Variants in FBLN2 observed in about 807,000 individuals in gnomAD.
The protein encoded by FBLN2 is fibulin-2.
A neutral mutation model predicts 123.7 loss-of-function variants in FBLN2; 81 were observed. The observed-to-expected ratio is 0.65, with a 90% CI of 0.55 to 0.79. The LOEUF is 0.79. FBLN2 is among the 30% of genes least tolerant of loss of function. The probability of loss-of-function intolerance (pLI) is 0.00; values close to 1 mark genes in which losing one functional copy is unlikely to be tolerated. For synonymous variants in FBLN2, 699 were observed against 701.4 expected (o/e 1.00, Z 0.05); for missense variants, 1,603 against 1,681.3 (o/e 0.95, Z 0.81).
Position 13,621,915 on chromosome 3 carries a change from G to A in FBLN2, c.2296G>A (p.Asp766Asn). The change falls in exon 9 of 18, where the codon GAC becomes AAC. Residue 766 changes from aspartate to asparagine, a missense_variant and splice_region_variant. By Grantham distance (23) the Asp-to-Asn change is conservative. Coordinates refer to ENST00000404922, the MANE Select transcript of FBLN2 (RefSeq NM_001004019.2). ...YILNAHRKCV[D>N]INECVTDLHT... Reference sequence around the variant, plus strand: ...CCTCAATGCGCACAGGAAGTGCGTGGGTAAGCCAGGGCCCCGCCTGCCGCC... The same window carrying A: ...CCTCAATGCGCACAGGAAGTGCGTGAGTAAGCCAGGGCCCCGCCTGCCGCC... 4 of 1,611,368 alleles carry A rather than the reference G, an allele frequency of 2.5e-6. No individual in the cohort carries two copies. The highest frequency in any genetic ancestry group is 2.5e-6 in the Non-Finnish European group (3 of 1,178,974).
chr3:13,611,818 C>A (rs1452459543), intron 4 of FBLN2, among the ~76,000 whole-genome samples: 1 of 152,228 alleles, frequency 6.6e-6, no homozygotes, highest in Non-Finnish European at 1.5e-5. Flanking sequence ...AGCTTCATCT[C>A]CTGGCTACAT....
At chr3:13,559,854 C>A (rs1190471949) in intron 1 of FBLN2, among the ~76,000 whole-genome samples, 7 of 152,150 alleles carry the variant, frequency 4.6e-5, no homozygotes, top group African/African-American at 1.7e-4. Context: ...CAGGAGCAGA[C>A]CATGTGGAGC....
chr3:13,576,965 C>T lies in FBLN2; in HGVS notation c.1306+5304C>T, dbSNP rs566253285. Among the ~76,000 whole-genome samples, 11 of 152,274 alleles carry T rather than the reference C, an allele frequency of 7.2e-5. No homozygotes were observed. In the East Asian group the frequency reaches 1.9e-3, roughly 27 times the overall value. ...AGGTGAGGTGGCTCACACCTGTAAT[C>T]CCAGCACTTTGGGAGGCCGAGGTGG... On this transcript the variant is annotated intron_variant, in intron 2 of 17. Transcript: ENST00000404922.
At chr3:13,555,705 T>G (rs950508989) in intron 1 of FBLN2, among the ~76,000 whole-genome samples, 1 of 152,120 alleles carries the variant, frequency 6.6e-6, no homozygotes, top group Admixed American at 6.5e-5. Flanking sequence ...CCACCCGCCT[T>G]GGCCTCTCAA....
At position 13,569,331 on chromosome 3, in the gene FBLN2, CTG is replaced by C. The variant is rs146202985; in HGVS notation, c.-41-983_-41-982del. On this transcript the variant is annotated intron_variant, in intron 1 of 17. Transcript: ENST00000404922. ...ACCTTTCCTTTCTGGCCATGGGAAA[CTG>C]GGGCGGGCTGTGGGGCCGTGGCATG... Among the ~76,000 whole-genome samples, 1,471 of 152,204 alleles carry C rather than the reference CTG, an allele frequency of 9.7e-3. 25 individuals are homozygous for C. Among genetic ancestry groups the C allele is most frequent in the African/African-American group, 0.033 (1,381 of 41,518 alleles).
chr3:13,571,037 C>T lies in FBLN2; in HGVS notation c.682C>T (p.Pro228Ser), dbSNP rs767247427. Residue 228 changes from proline (P) to serine (S), a missense_variant, in exon 2 of 18, where the codon CCC becomes TCC. Coordinates refer to ENST00000404922, the MANE Select transcript of FBLN2 (RefSeq NM_001004019.2). ...AGAVQAGAGG[P>S]PAALGGGSQP... ...TGCAGTCCAGGCAGGCGCAGGGGGC[C>T]CCCCAGCTGCTCTGGGAGGTGGGAG... 5 of 1,570,114 alleles carry T rather than the reference C, an allele frequency of 3.2e-6. No individual in the cohort carries two copies. Among genetic ancestry groups the T allele is most frequent in the Admixed American group, 1.9e-5 (1 of 52,764 alleles).
Position 13,571,436 on chromosome 3 carries a change from A to G in FBLN2, c.1081A>G (p.Ser361Gly), listed in dbSNP as rs3732666. ...GCCGGAGGGCGTGACGCATGCACCG[A>G]GCCTGGGCAAGGCTGCTCTCGTCCC... ...TGPEGVTHAPSLGKAALVPTQ... is the reference protein window; with the variant it reads ...TGPEGVTHAPGLGKAALVPTQ... The change falls in exon 2 of 18, where the codon AGC becomes GGC. Residue 361 changes from serine to glycine, a missense_variant. Transcript: ENST00000404922. 396,004 of 1,611,990 alleles carry G rather than the reference A, an allele frequency of 0.25. 61,824 individuals carry two copies. Among genetic ancestry groups the G allele is most frequent in the African/African-American group, 0.69 (51,932 of 74,958 alleles).
intron 13 of FBLN2, 104 bp from the exon 14 acceptor site, chr3:13,629,716 C>G: frequency 1.4e-6 from 2 of 1,429,006 alleles, no homozygotes; most frequent in Non-Finnish European, 1.9e-6. Flanking sequence ...CCTTCTGGGT[C>G]CCTCTCCCAC....
At chr3:13,581,717 C>T (rs1704338661) in intron 2 of FBLN2, among the ~76,000 whole-genome samples, 1 of 152,104 alleles carries the variant, frequency 6.6e-6, no homozygotes, top group Non-Finnish European at 1.5e-5. Context: ...TGCCCCCGTG[C>T]CTGACCACCA....
chr3:13,570,609 C>T lies in FBLN2; in HGVS notation c.254C>T (p.Ala85Val). ...GGCTTCGTGCGCGGCCGCGTGCCCG[C>T]CGGTCAGTCCTATTTTGTGGACTTC... ...QGGFVRGRVP[A>V]GQSYFVDFGS... is the part of the protein sequence containing the mutation. The change falls in exon 2 of 18, where the codon GCC becomes GTC. Residue 85 changes from alanine to valine, a missense_variant. Ala to Val is a moderately conservative substitution (Grantham distance 64). Transcript: ENST00000404922. The T allele has an allele frequency of 6.3e-7, 1 of 1,578,338 alleles. No individual in the cohort carries two copies. Among genetic ancestry groups the T allele is most frequent in the Non-Finnish European group, 8.6e-7 (1 of 1,163,254 alleles).
intron 10 of FBLN2, 36 bp from the exon 11 acceptor site, chr3:13,627,796 C>G (rs1157812892): frequency 6.3e-7 from 1 of 1,590,064 alleles, no homozygotes; most frequent in Non-Finnish European, 8.6e-7. Context: ...GCAGGACCTG[C>G]CCCCCAGCCC....
chr3:13,633,019 G>A (rs60796888), intron 16 of FBLN2, among the ~76,000 whole-genome samples: 31,658 of 152,208 alleles, frequency 0.21, 3,500 homozygotes, highest in African/African-American at 0.25. Context: ...AGCCCCATCA[G>A]ACACTGCAGT....
chr3:13,632,970 C>T (rs923537164), intron 16 of FBLN2, among the ~76,000 whole-genome samples: 10 of 152,240 alleles, frequency 6.6e-5, no homozygotes, highest in Non-Finnish European at 1.2e-4. Context: ...AGGCCCTGTT[C>T]CTCCTGGTGG....
chr3:13,583,336 G>A (rs1704396678), intron 2 of FBLN2, among the ~76,000 whole-genome samples: 1 of 152,266 alleles, frequency 6.6e-6, no homozygotes, highest in Non-Finnish European at 1.5e-5. Flanking sequence ...TTTTGTAGAC[G>A]AGGTGACTGA....
intron 2 of FBLN2, among the ~76,000 whole-genome samples, chr3:13,593,263 A>G (rs1400719442): frequency 6.6e-6 from 1 of 152,200 alleles, no homozygotes; most frequent in Admixed American, 6.5e-5. Flanking sequence ...GCACATGTTA[A>G]CTACCCGGGC....
chr3:13,570,289 A>G, intron 1 of FBLN2, 26 bp from the exon 2 acceptor site: 1 of 1,456,112 alleles, frequency 6.9e-7, no homozygotes, highest in Non-Finnish European at 9.1e-7. Flanking sequence ...CCCAGTACTG[A>G]CAGGCTTCCT....
chr3:13,635,363 G>A (rs1706420650), intron 16 of FBLN2, among the ~76,000 whole-genome samples: 1 of 147,890 alleles, frequency 6.8e-6, no homozygotes, highest in Non-Finnish European at 1.5e-5. Flanking sequence ...GTCCTCCAGG[G>A]TGCCTGTGGG....
chr3:13,589,489 A>T (rs1335196088), intron 2 of FBLN2, among the ~76,000 whole-genome samples: 1 of 152,116 alleles, frequency 6.6e-6, no homozygotes, highest in Non-Finnish European at 1.5e-5. Flanking sequence ...CTGGAACCCC[A>T]GTCCACACTA....
chr3:13,552,400 C>T (rs1333964674), intron 1 of FBLN2, among the ~76,000 whole-genome samples: 2 of 152,022 alleles, frequency 1.3e-5, no homozygotes, highest in Non-Finnish European at 2.9e-5. Flanking sequence ...GCCGGCTGTC[C>T]TGCCCGGTGG....
Sources: allele counts gnomAD v4.1 joint callset (sites outside exome capture counted in the v4.1 genomes callset), GRCh38; gene constraint gnomAD v4.1.1; transcripts MANE v1.5; gene names NCBI Gene and HGNC (gene_info 2026-07-23, HGNC 2026-07-21).